Variants in SH3YL1 observed in about 807,000 individuals in gnomAD.
The protein encoded by SH3YL1 is SH3 and SYLF domain containing 1.
A neutral mutation model predicts 45.8 loss-of-function variants in SH3YL1; 41 were observed. The observed-to-expected ratio is 0.89, with a 90% CI of 0.70 to 1.16. SH3YL1 has a LOEUF of 1.16. Ranked by LOEUF, SH3YL1 falls within the 50% of genes most tolerant of loss-of-function variation. The pLI is 0.00. For missense variants in SH3YL1, 389 were observed against 409.6 expected (o/e 0.95, Z 0.43); for synonymous variants, 152 against 151.4 (o/e 1.00, Z -0.03).
chr2:237,420 G>A (rs1270580826), intron 4 of SH3YL1, among the ~76,000 whole-genome samples: 1 of 151,950 alleles, frequency 6.6e-6, no homozygotes, highest in African/African-American at 2.4e-5. Context: ...GAGCAGCAAT[G>A]GCCCTCAGTT....
At chr2:261,234 T>G (rs571312932) in intron 1 of SH3YL1, 2 of 152,350 alleles carry the variant, frequency 1.3e-5, no homozygotes, top group East Asian at 3.9e-4. Flanking sequence ...TGCTGTACCA[T>G]AAGGCATATA....
At chr2:223,235 T>G (rs1440910371) in intron 9 of SH3YL1, among the ~76,000 whole-genome samples, 1 of 152,174 alleles carries the variant, frequency 6.6e-6, no homozygotes, top group Admixed American at 6.5e-5. Flanking sequence ...CACAGCCCAC[T>G]TAGAGTTTAA....
intron 4 of SH3YL1, among the ~76,000 whole-genome samples, chr2:236,362 T>C (rs1174246438): frequency 6.6e-6 from 1 of 152,114 alleles, no homozygotes; most frequent in Non-Finnish European, 1.5e-5. Flanking sequence ...AGTCTTTGTG[T>C]CTCTGACTGT....
chr2:250,921 GTTATAA>G (rs1669046380), intron 2 of SH3YL1, among the ~76,000 whole-genome samples: 1 of 152,148 alleles, frequency 6.6e-6, no homozygotes, highest in African/African-American at 2.4e-5. Context: ...ATTTTAAAAG[GTTATAA>G]TTATATTGTA....
At chr2:254,027 T>C (rs1048644405) in intron 1 of SH3YL1, among the ~76,000 whole-genome samples, 1 of 152,182 alleles carries the variant, frequency 6.6e-6, no homozygotes. Context: ...CTGTTATGTA[T>C]CTTCTTCCTG....
chr2:249,041 C>A (rs1382197033), intron 3 of SH3YL1, among the ~76,000 whole-genome samples: 4 of 152,124 alleles, frequency 2.6e-5, no homozygotes, highest in Non-Finnish European at 5.9e-5. Flanking sequence ...TAAAATTATG[C>A]TAAAAAACTG....
At chr2:242,867 G>T in intron 4 of SH3YL1, 1 of 1,498,916 alleles carries the variant, frequency 6.7e-7, no homozygotes, top group Non-Finnish European at 8.9e-7. Context: ...AGCTGGAGTG[G>T]CACTCTTTAT....
At chr2:261,331 A>C (rs936873298) in intron 1 of SH3YL1, 2 of 152,100 alleles carry the variant, frequency 1.3e-5, no homozygotes, top group African/African-American at 4.8e-5. Flanking sequence ...CTTAAACCTC[A>C]CATCATGGTT....
chr2:224,691 A>C (rs1667718682), intron 9 of SH3YL1, among the ~76,000 whole-genome samples, 173 bp downstream of exon 9: 1 of 152,254 alleles, frequency 6.6e-6, no homozygotes. Flanking sequence ...CAAGTAAGAT[A>C]ACAAAAGCAT....
At position 247,596 on chromosome 2, in the gene SH3YL1, G is replaced by A; in HGVS notation, c.233C>T (p.Ser78Phe). ...VVARLPDGKW[S>F]APSAIGIAGL... ...AGCTATCCCAATGGCTGAGGGTGCA[G>A]ACCATTCTAATAAAAAAACAAACGA... Residue 78 changes from serine to phenylalanine, a missense_variant, in exon 4 of 10, where the codon TCT becomes TTT. By Grantham distance (155) the Ser-to-Phe change is radical (BLOSUM62 -2). Transcript: ENST00000356150. 1.3e-6 allele frequency: 2 copies of A among 1,550,384 alleles called. No homozygotes were observed. The highest frequency in any genetic ancestry group is 1.7e-6 in the Non-Finnish European group (2 of 1,146,556).
chr2:259,842 A>T (rs1474484673), intron 1 of SH3YL1: 1 of 151,554 alleles, frequency 6.6e-6, no homozygotes, highest in Non-Finnish European at 1.5e-5. Context: ...AGAAAGATAA[A>T]CTCCAAATTC....
intron 2 of SH3YL1, 45 bp from the exon 3 acceptor site, chr2:249,889 G>C: frequency 7.6e-7 from 1 of 1,318,142 alleles, no homozygotes; most frequent in South Asian, 1.3e-5. Context: ...TTTGATCTAT[G>C]TGCCTGGATA....
chr2:224,200 C>A (rs1377482658), intron 9 of SH3YL1, among the ~76,000 whole-genome samples: 1 of 152,166 alleles, frequency 6.6e-6, no homozygotes, highest in African/African-American at 2.4e-5. Context: ...GTACCACTCA[C>A]ATTTGCAAAT....
chr2:264,600 C>CT (rs1487681552), upstream of SH3YL1: 1 of 106,392 alleles, frequency 9.4e-6, no homozygotes, highest in African/African-American at 3.2e-5. Flanking sequence ...AGGTGACTCC[C>CT]CCCCGCCAAC....
chr2:223,991 A>G (rs990400525), intron 9 of SH3YL1, among the ~76,000 whole-genome samples: 1 of 152,230 alleles, frequency 6.6e-6, no homozygotes, highest in Non-Finnish European at 1.5e-5. Context: ...CCTTTTCAAC[A>G]TATTTTTATC....
At chr2:240,362 G>A (rs957421403) in intron 4 of SH3YL1, 2 of 152,330 alleles carry the variant, frequency 1.3e-5, no homozygotes, top group Non-Finnish European at 2.9e-5. Context: ...GAGACAGGCT[G>A]CAAGAGCAGA....
intron 1 of SH3YL1, among the ~76,000 whole-genome samples, chr2:257,767 T>C (rs1669409617): frequency 6.6e-6 from 1 of 152,200 alleles, no homozygotes; most frequent in African/African-American, 2.4e-5. Context: ...TCCTTAAAAT[T>C]TAATTTGGCT....
At chr2:242,902 G>A in intron 4 of SH3YL1, 1 of 1,352,000 alleles carries the variant, frequency 7.4e-7, no homozygotes, top group Non-Finnish European at 9.9e-7. Context: ...AATGTAATTA[G>A]GATTAAACAG....
intron 3 of SH3YL1, among the ~76,000 whole-genome samples, chr2:249,358 A>G (rs1668973304): frequency 6.6e-6 from 1 of 152,214 alleles, no homozygotes; most frequent in African/African-American, 2.4e-5. Context: ...TTTCATATCA[A>G]TTTCCATAAA....
Sources: allele counts gnomAD v4.1 joint callset (sites outside exome capture counted in the v4.1 genomes callset), GRCh38; gene constraint gnomAD v4.1.1; transcripts MANE v1.5; gene names NCBI Gene and HGNC (gene_info 2026-07-23, HGNC 2026-07-21).